KIAA0825: variants seen among roughly 807,000 people sequenced by gnomAD.
KIAA0825 encodes uncharacterized protein KIAA0825.
Under a neutral mutation model 147.6 loss-of-function variants are expected in KIAA0825, and 119 were observed. The observed-to-expected ratio is 0.81, with a 90% CI of 0.69 to 0.94. The LOEUF (loss-of-function observed/expected upper bound fraction) is 0.94. KIAA0825 is among the 40% of genes least tolerant of loss of function. The pLI is 0.00. For synonymous variants in KIAA0825, 470 were observed against 518.1 expected (o/e 0.91, Z 1.26); for missense variants, 1,381 against 1,472.7 (o/e 0.94, Z 1.02).
chr5:94,193,306 T>C (rs1178859923), intron 20 of KIAA0825, among the ~76,000 whole-genome samples: 1 of 152,214 alleles, frequency 6.6e-6, no homozygotes, highest in African/African-American at 2.4e-5. Context: ...GAATGCCACA[T>C]TGAAAAGTCA....
chr5:94,333,895 G>A lies in KIAA0825; in HGVS notation c.3710+50473C>T, dbSNP rs191312932. ...ATACCTAGGAATACAACTTAACAAG[G>A]GATTTGAAGGACTTCTTCAAGGAAA... On this transcript the variant is annotated intron_variant, in intron 20 of 20. Coordinates refer to ENST00000682413, the MANE Select transcript of KIAA0825 (RefSeq NM_001145678.3). Among the ~76,000 whole-genome samples, 10 of 152,200 alleles carry A rather than the reference G, an allele frequency of 6.6e-5. 1 individual carries two copies. Among genetic ancestry groups the A allele is most frequent in the African/African-American group, 1.9e-4 (8 of 41,522 alleles).
intron 20 of KIAA0825, among the ~76,000 whole-genome samples, chr5:94,311,518 G>C (rs1043059425): frequency 2.1e-4 from 32 of 151,410 alleles, no homozygotes; most frequent in African/African-American, 7.7e-4. Flanking sequence ...CAAAAATACT[G>C]ACACTTACAC....
intron 20 of KIAA0825, among the ~76,000 whole-genome samples, chr5:94,326,712 G>A (rs1027412750): frequency 3.3e-5 from 5 of 152,152 alleles, no homozygotes; most frequent in African/African-American, 7.2e-5. Context: ...GATAAAACCC[G>A]CTTCATCAAT....
At chr5:94,281,985 A>G (rs1777490929) in intron 20 of KIAA0825, among the ~76,000 whole-genome samples, 1 of 152,030 alleles carries the variant, frequency 6.6e-6, no homozygotes, top group African/African-American at 2.4e-5. Context: ...CCCATCCCAT[A>G]CCATCTGACT....
intron 20 of KIAA0825, among the ~76,000 whole-genome samples, chr5:94,343,143 A>G (rs1442289464): frequency 6.6e-6 from 1 of 152,212 alleles, no homozygotes; most frequent in East Asian, 1.9e-4. Context: ...GCCAAGATCA[A>G]TTGATATCTT....
At chr5:94,493,818 T>C (rs1764017913) in intron 5 of KIAA0825, among the ~76,000 whole-genome samples, 1 of 152,212 alleles carries the variant, frequency 6.6e-6, no homozygotes, top group African/African-American at 2.4e-5. Context: ...CTTCTTTCTC[T>C]GATCTAGTTG....
At chr5:94,240,678 G>C (rs1157947952) in intron 20 of KIAA0825, among the ~76,000 whole-genome samples, 12 of 152,198 alleles carry the variant, frequency 7.9e-5, no homozygotes, top group Admixed American at 6.5e-4. Context: ...TATAACAGGG[G>C]TGTGGGGTTG....
At chr5:94,265,516 A>G (rs1411623471) in intron 20 of KIAA0825, among the ~76,000 whole-genome samples, 1 of 152,052 alleles carries the variant, frequency 6.6e-6, no homozygotes, top group Non-Finnish European at 1.5e-5. Context: ...CTTAAAAAAT[A>G]GGCCAGGTGC....
intron 13 of KIAA0825, among the ~76,000 whole-genome samples, chr5:94,450,600 T>G (rs2150898319): frequency 6.6e-6 from 1 of 152,002 alleles, no homozygotes; most frequent in African/African-American, 2.4e-5. Flanking sequence ...TGTAAGCCCT[T>G]TTTATGGTAA....
At chr5:94,216,398 A>C (rs1389705295) in intron 20 of KIAA0825, among the ~76,000 whole-genome samples, 3 of 152,130 alleles carry the variant, frequency 2.0e-5, no homozygotes, top group Non-Finnish European at 4.4e-5. Flanking sequence ...ACTTTGAGAG[A>C]AACATTGTTG....
At chr5:94,276,995 A>G (rs1030241219) in intron 20 of KIAA0825, among the ~76,000 whole-genome samples, 1 of 152,162 alleles carries the variant, frequency 6.6e-6, no homozygotes, top group Non-Finnish European at 1.5e-5. Context: ...ATAACTAAGC[A>G]GGCATTGCTC....
chr5:94,598,391 T>G (rs1785694063), intron 1 of KIAA0825, among the ~76,000 whole-genome samples: 1 of 152,066 alleles, frequency 6.6e-6, no homozygotes, highest in Non-Finnish European at 1.5e-5. Flanking sequence ...TCATGGGCAA[T>G]AACAAGCATA....
chr5:94,389,326 C>G (rs889383838), intron 18 of KIAA0825, among the ~76,000 whole-genome samples: 3 of 152,198 alleles, frequency 2.0e-5, no homozygotes, highest in East Asian at 3.9e-4. Flanking sequence ...CCATTGGACT[C>G]TCTTCCCTGT....
At chr5:94,447,042 A>G (rs1426594092) in intron 13 of KIAA0825, among the ~76,000 whole-genome samples, 1 of 152,172 alleles carries the variant, frequency 6.6e-6, no homozygotes, top group African/African-American at 2.4e-5. Flanking sequence ...GGCTTCTACA[A>G]TTGGATGGAC....
intron 20 of KIAA0825, among the ~76,000 whole-genome samples, chr5:94,181,579 T>C (rs1769617516): frequency 6.6e-6 from 1 of 152,344 alleles, no homozygotes; most frequent in South Asian, 2.1e-4. Flanking sequence ...CTAATAGGAA[T>C]GCCAATGAAA....
At chr5:94,399,304 A>G (rs1160928903) in intron 16 of KIAA0825, among the ~76,000 whole-genome samples, 1 of 152,088 alleles carries the variant, frequency 6.6e-6, no homozygotes. Context: ...GAAAGATTGT[A>G]TCTTATATTC....
At chr5:94,552,486 T>C (rs1464374494) in intron 2 of KIAA0825, among the ~76,000 whole-genome samples, 1 of 152,184 alleles carries the variant, frequency 6.6e-6, no homozygotes, top group African/African-American at 2.4e-5. Flanking sequence ...TGGAACATTC[T>C]TCAGGACTGA....
At chr5:94,444,278 T>C (rs1426037206) in intron 13 of KIAA0825, among the ~76,000 whole-genome samples, 1 of 152,170 alleles carries the variant, frequency 6.6e-6, no homozygotes, top group African/African-American at 2.4e-5. Context: ...CCTAAAGTTA[T>C]AGCTGCCATC....
chr5:94,456,982 T>A (rs569543495), intron 12 of KIAA0825, among the ~76,000 whole-genome samples: 19 of 152,230 alleles, frequency 1.2e-4, no homozygotes, highest in African/African-American at 4.6e-4. Context: ...GGTATTTACC[T>A]GAGCATTTCT....
Sources: allele counts gnomAD v4.1 joint callset (sites outside exome capture counted in the v4.1 genomes callset), GRCh38; gene constraint gnomAD v4.1.1; transcripts MANE v1.5; gene names NCBI Gene and HGNC (gene_info 2026-07-23, HGNC 2026-07-21).